The following MAP2K1 variants were observed in gnomAD, a reference collection of about 807,000 sequenced individuals.
MAP2K1 encodes the protein dual specificity mitogen-activated protein kinase kinase 1.
In MAP2K1, 16 loss-of-function variants were observed where a neutral mutation model predicts 46.3. The observed-to-expected ratio is 0.35, with a 90% CI of 0.23 to 0.52. The LOEUF (loss-of-function observed/expected upper bound fraction) is 0.52. Among genes scored for constraint, MAP2K1 ranks in the 20% least tolerant of loss-of-function variants. MAP2K1 has a pLI of 0.94. For synonymous variants in MAP2K1, 183 were observed against 185.6 expected (o/e 0.99, Z 0.11); for missense variants, 263 against 497.1 (o/e 0.53, Z 4.48).
chr15:66,417,530 G>T (rs1161783692), intron 1 of MAP2K1, among the ~76,000 whole-genome samples: 2 of 152,074 alleles, frequency 1.3e-5, no homozygotes, highest in African/African-American at 4.8e-5. Flanking sequence ...AGCCATGATT[G>T]CACCACTACA....
At chr15:66,397,348 C>A (rs571199190) in intron 1 of MAP2K1, among the ~76,000 whole-genome samples, 1 of 152,162 alleles carries the variant, frequency 6.6e-6, no homozygotes, top group Non-Finnish European at 1.5e-5. Flanking sequence ...CACTTAACCT[C>A]ACTGAGCCTA....
Position 66,429,342 on chromosome 15 carries a change from A to G in MAP2K1, c.81-5685A>G, listed in dbSNP as rs114705948. On this transcript the variant is annotated intron_variant, in intron 1 of 10. Coordinates refer to ENST00000307102, the MANE Select transcript of MAP2K1 (RefSeq NM_002755.4). The stretch of plus-strand genomic sequence containing the variant: ...TATAAAACCATCAGCTCTCATGAGA[A>G]TTCACTCACTGTCACAGGAACAATG... Among the ~76,000 whole-genome samples the G allele has an allele frequency of 6.1e-3, 922 of 151,164 alleles. 13 individuals carry two copies. Among genetic ancestry groups the G allele is most frequent in the African/African-American group, 0.021 (852 of 41,424 alleles).
chr15:66,487,714 A>G (rs1044849608), intron 8 of MAP2K1, among the ~76,000 whole-genome samples: 1 of 152,182 alleles, frequency 6.6e-6, no homozygotes, highest in African/African-American at 2.4e-5. Flanking sequence ...GCTGTAGAAA[A>G]GCAGTTTCAG....
chr15:66,452,338 T>A (rs369533320), intron 5 of MAP2K1, among the ~76,000 whole-genome samples: 2 of 150,732 alleles, frequency 1.3e-5, no homozygotes, highest in East Asian at 3.9e-4. Context: ...AGCCACCTGC[T>A]TTCTAATTGT....
chr15:66,400,557 C>T (rs1007519113), intron 1 of MAP2K1, among the ~76,000 whole-genome samples: 2 of 152,132 alleles, frequency 1.3e-5, no homozygotes, highest in Non-Finnish European at 2.9e-5. Flanking sequence ...CTGCCAATTT[C>T]GAAAAATCGT....
chr15:66,452,305 A>G (rs867488090), intron 5 of MAP2K1, among the ~76,000 whole-genome samples: 10 of 6,868 alleles, frequency 1.5e-3, no homozygotes, highest in East Asian at 2.5e-3. Context: ...AAAAAAAAAG[A>G]AAAAAAAAAG....
intron 6 of MAP2K1, among the ~76,000 whole-genome samples, chr15:66,482,510 T>A (rs1207633323): frequency 1.3e-5 from 2 of 152,204 alleles, no homozygotes; most frequent in Non-Finnish European, 2.9e-5. Flanking sequence ...ACACCCTGTG[T>A]TGAGGGTATT....
rs984900872 is a variant in MAP2K1 at position 66,387,069 on chromosome 15, G to T, written c.-279G>T. 2.6e-6 allele frequency: 1 copy of T among 392,116 alleles called. No homozygotes were observed. The highest frequency in any genetic ancestry group is 8.0e-5 in the South Asian group (1 of 12,428). The allele number at this position is 392,116 out of a possible 1,614,324, so 24.3% of individuals were successfully genotyped here. On this transcript the variant is annotated 5_prime_UTR_variant, in exon 1 of 11. Coordinates refer to ENST00000307102, the MANE Select transcript of MAP2K1 (RefSeq NM_002755.4). ...GAGAGAGAGAGGAAGGGAATCCCGGGCTGCCGAACCGCACGTTCAGCCCGC... is the reference window on the plus strand; with the variant it reads ...GAGAGAGAGAGGAAGGGAATCCCGGTCTGCCGAACCGCACGTTCAGCCCGC...
intron 6 of MAP2K1, among the ~76,000 whole-genome samples, chr15:66,482,791 G>A (rs1275807908): frequency 6.6e-6 from 1 of 152,198 alleles, no homozygotes; most frequent in Non-Finnish European, 1.5e-5. Context: ...GATTTGGAAA[G>A]GTGGAAACGT....
chr15:66,388,016 A>G lies in MAP2K1; in HGVS notation c.80+589A>G, dbSNP rs2093346597. 2.0e-5 allele frequency among the ~76,000 whole-genome samples: 3 copies of G among 152,272 alleles called. No homozygotes were observed. In the South Asian group the frequency reaches 6.2e-4, roughly 32 times the overall value. On this transcript the variant is annotated intron_variant, in intron 1 of 10. Transcript: ENST00000307102. ...TCCTGGTACTTGGCCTTCCTGGGAA[A>G]TTGCTCAAGAAAGCGGCTTTCTTCT...
intron 1 of MAP2K1, chr15:66,401,907 C>A: frequency 1.9e-6 from 2 of 1,075,036 alleles, no homozygotes; most frequent in African/African-American, 1.6e-5. Flanking sequence ...TTGAGTGTGA[C>A]GGGTGCATCG....
At chr15:66,416,840 C>T (rs1242825266) in intron 1 of MAP2K1, among the ~76,000 whole-genome samples, 2 of 152,190 alleles carry the variant, frequency 1.3e-5, no homozygotes, top group Non-Finnish European at 2.9e-5. Flanking sequence ...TGTTAGGTGT[C>T]TTTGGTCTTA....
intron 5 of MAP2K1, among the ~76,000 whole-genome samples, chr15:66,478,252 A>ATT (rs200603821): frequency 6.8e-6 from 1 of 146,610 alleles, no homozygotes; most frequent in Non-Finnish European, 1.5e-5. Context: ...ATATATATAT[A>ATT]AAAATCTGTG....
chr15:66,428,149 A>G (rs2093464357), intron 1 of MAP2K1, among the ~76,000 whole-genome samples: 1 of 152,128 alleles, frequency 6.6e-6, no homozygotes, highest in Non-Finnish European at 1.5e-5. Context: ...ATGAATTCTC[A>G]GAAACCGAAC....
intron 5 of MAP2K1, chr15:66,446,581 C>G (rs1393715677): frequency 9.0e-6 from 2 of 222,348 alleles, no homozygotes; most frequent in East Asian, 1.3e-4. Flanking sequence ...CCAGATTACT[C>G]CAGTGTTGTT....
At chr15:66,449,022 A>AG (rs1386163383) in intron 5 of MAP2K1, among the ~76,000 whole-genome samples, 82 of 150,978 alleles carry the variant, frequency 5.4e-4, no homozygotes, top group African/African-American at 1.8e-3. Context: ...AAAAAAAAAA[A>AG]AAAAAACAAC....
At chr15:66,478,915 A>C (rs1216118802) in intron 5 of MAP2K1, among the ~76,000 whole-genome samples, 2 of 152,196 alleles carry the variant, frequency 1.3e-5, no homozygotes, top group Non-Finnish European at 2.9e-5. Context: ...GCCCACACAG[A>C]GCCCACAGGT....
intron 2 of MAP2K1, 94 bp from the exon 3 acceptor site, chr15:66,436,651 AC>A: frequency 1.6e-6 from 2 of 1,236,884 alleles, no homozygotes; most frequent in South Asian, 1.2e-5. Flanking sequence ...TCCTCCCTCT[AC>A]CTTAAAGAGC....
rs2140598139 is a variant in MAP2K1 at position 66,443,327 on chromosome 15, T to C, written c.486T>C (p.Pro162=). The part of the protein sequence containing the change: ...DQVLKKAGRI[P]EQILGKVSIA... ...TCCTGAAGAAAGCTGGAAGAATTCC[T>C]GAACAAATTTTAGGAAAAGTTAGCA... is the stretch of plus-strand genomic sequence containing the variant. Residue 162 remains proline, a synonymous_variant, in exon 4 of 11, where the codon CCT becomes CCC. Coordinates refer to ENST00000307102, the MANE Select transcript of MAP2K1 (RefSeq NM_002755.4). 1 of 1,613,068 alleles carries C rather than the reference T, an allele frequency of 6.2e-7. No homozygotes were observed. Among genetic ancestry groups the C allele is most frequent in the Non-Finnish European group, 8.5e-7 (1 of 1,179,026 alleles).
Sources: gnomAD v4.1 joint callset for allele counts (sites outside exome capture counted in the v4.1 genomes callset) on GRCh38, gnomAD v4.1.1 for gene constraint, MANE v1.5 for transcripts, NCBI Gene and HGNC (gene_info 2026-07-23, HGNC 2026-07-21) for gene names.